NEBL: variants seen among roughly 807,000 people sequenced by gnomAD.
The protein encoded by NEBL is LIM and SH3 protein 2.
In NEBL, 122 loss-of-function variants were observed where a neutral mutation model predicts 140.2. That is an observed-to-expected ratio of 0.87 (90% CI 0.75 to 1.01). The LOEUF is 1.01. Ranked by LOEUF, NEBL falls within the 50% of genes least tolerant of loss-of-function variation. The pLI, the probability that NEBL is intolerant of heterozygous loss-of-function variation, is 0.00. For synonymous variants in NEBL, 436 were observed against 398.9 expected (o/e 1.09, Z -1.11); for missense variants, 1,365 against 1,231.3 (o/e 1.11, Z -1.62).
chr10:21,096,815 A>G (rs1837209431), intron 2 of NEBL, among the ~76,000 whole-genome samples: 1 of 152,068 alleles, frequency 6.6e-6, no homozygotes, highest in Admixed American at 6.6e-5. Flanking sequence ...GCCTGAGTGT[A>G]TATCTTTTTA....
chr10:21,211,643 T>G (rs529018251), intron 3 of NEBL, among the ~76,000 whole-genome samples: 1 of 152,338 alleles, frequency 6.6e-6, no homozygotes, highest in East Asian at 1.9e-4. Flanking sequence ...CATCTCCTCT[T>G]GAACAGAGAT....
upstream of NEBL, chr10:20,899,228 G>A (rs1847732926): frequency 6.2e-6 from 2 of 323,758 alleles, no homozygotes; most frequent in South Asian, 2.7e-5. Context: ...GAAATAGGGA[G>A]GAGTAATTTC....
intron 26 of NEBL, among the ~76,000 whole-genome samples, chr10:20,803,300 T>C (rs887580518): frequency 6.6e-6 from 1 of 152,194 alleles, no homozygotes; most frequent in African/African-American, 2.4e-5. Flanking sequence ...TTCAAGATGA[T>C]GAATATGCTA....
At chr10:21,020,910 C>A (rs1384149452) in intron 2 of NEBL, among the ~76,000 whole-genome samples, 3 of 152,150 alleles carry the variant, frequency 2.0e-5, no homozygotes, top group Admixed American at 1.3e-4. Context: ...AGCTTTGGGG[C>A]CTCTCTGTGA....
At chr10:20,860,739 A>G (rs1843620364) in intron 7 of NEBL, among the ~76,000 whole-genome samples, 1 of 152,096 alleles carries the variant, frequency 6.6e-6, no homozygotes. Flanking sequence ...CAACATTCTG[A>G]TAATGCACCT....
intron 2 of NEBL, among the ~76,000 whole-genome samples, chr10:21,097,949 G>A (rs1307575363): frequency 6.6e-6 from 1 of 152,144 alleles, no homozygotes; most frequent in Non-Finnish European, 1.5e-5. Context: ...TGTTACTGCT[G>A]TAATTTGTGA....
intron 2 of NEBL, among the ~76,000 whole-genome samples, chr10:21,165,545 G>A (rs1426556410): frequency 6.6e-6 from 1 of 152,176 alleles, no homozygotes; most frequent in Non-Finnish European, 1.5e-5. Context: ...CACAGTCCTC[G>A]CAGTCCCTGA....
At position 20,952,047 on chromosome 10, in the gene NEBL, C is replaced by G. The variant is rs182509383; in HGVS notation, c.357+9625G>C. ...CTGAACTACATAATTCAACCAAGAT[C>G]TGGAAAACTTAAAAACTTCACTACA... On this transcript the variant is annotated intron_variant, in intron 4 of 6. Transcript: ENST00000417816. Among the ~76,000 whole-genome samples, 561 of 152,242 alleles carry G rather than the reference C, an allele frequency of 3.7e-3. 7 individuals carry two copies. Among genetic ancestry groups the G allele is most frequent in the Non-Finnish European group, 3.9e-3 (266 of 68,032 alleles).
At chr10:21,284,295 A>G (rs1843029651) in intron 1 of NEBL, among the ~76,000 whole-genome samples, 2 of 149,180 alleles carry the variant, frequency 1.3e-5, no homozygotes, top group Admixed American at 1.3e-4. Flanking sequence ...CACATAGTGC[A>G]TGTCCACTAA....
chr10:21,280,524 G>C (rs1842978691), intron 1 of NEBL, among the ~76,000 whole-genome samples: 1 of 152,070 alleles, frequency 6.6e-6, no homozygotes, highest in Admixed American at 6.6e-5. Flanking sequence ...CAGTGGCCTA[G>C]GAGGTGTGGA....
chr10:21,212,673 C>A (rs1841936912), intron 3 of NEBL, among the ~76,000 whole-genome samples: 1 of 152,302 alleles, frequency 6.6e-6, no homozygotes, highest in African/African-American at 2.4e-5. Context: ...GGCTCCTGAG[C>A]CAGGTCCTTC....
chr10:20,914,968 G>A (rs1848479517), intron 4 of NEBL, among the ~76,000 whole-genome samples: 2 of 42,708 alleles, frequency 4.7e-5, no homozygotes, highest in African/African-American at 1.8e-4. Flanking sequence ...AAGTGGCTGG[G>A]ATTTTTTTTT....
chr10:21,203,029 G>C (rs1321672063), intron 3 of NEBL, among the ~76,000 whole-genome samples: 7 of 152,180 alleles, frequency 4.6e-5, no homozygotes. Context: ...TATTTGCATA[G>C]TCATTTAGGA....
intron 4 of NEBL, among the ~76,000 whole-genome samples, chr10:20,887,486 T>C (rs1375410825): frequency 1.4e-5 from 2 of 147,658 alleles, no homozygotes; most frequent in Non-Finnish European, 3.0e-5. Flanking sequence ...TGGCATGATC[T>C]TGGTTCGCTG....
At chr10:20,890,012 G>A in intron 2 of NEBL, 63 bp from the exon 3 acceptor site, 1 of 1,072,678 alleles carries the variant, frequency 9.3e-7, no homozygotes, top group Non-Finnish European at 1.4e-6. Flanking sequence ...GGCCTTTTTT[G>A]AATGATAATT....
At chr10:21,229,914 T>C (rs886469036) in intron 3 of NEBL, among the ~76,000 whole-genome samples, 6 of 152,208 alleles carry the variant, frequency 3.9e-5, no homozygotes, top group African/African-American at 1.4e-4. Context: ...GCTTTTCCTT[T>C]TATATGTAAC....
chr10:21,109,937 G>C (rs976226780), intron 2 of NEBL, among the ~76,000 whole-genome samples: 1 of 151,864 alleles, frequency 6.6e-6, no homozygotes, highest in African/African-American at 2.4e-5. Context: ...TATGTTGTTA[G>C]TCTTTTCAAA....
chr10:21,155,349 G>A (rs1007362275), intron 2 of NEBL, among the ~76,000 whole-genome samples: 3 of 152,012 alleles, frequency 2.0e-5, no homozygotes, highest in Non-Finnish European at 2.9e-5. Context: ...TAATCACCTT[G>A]TTGTGCTATC....
At chr10:20,996,916 G>T (rs1342251890) in intron 3 of NEBL, among the ~76,000 whole-genome samples, 1 of 152,118 alleles carries the variant, frequency 6.6e-6, no homozygotes, top group East Asian at 1.9e-4. Flanking sequence ...AAACGTGTGT[G>T]CAATTGATCA....
Sources: allele counts gnomAD v4.1 joint callset (sites outside exome capture counted in the v4.1 genomes callset), GRCh38; gene constraint gnomAD v4.1.1; transcripts MANE v1.5; gene names NCBI Gene and HGNC (gene_info 2026-07-23, HGNC 2026-07-21).